SLC17A5: variants seen among roughly 807,000 people sequenced by gnomAD.
SLC17A5 encodes the protein sialin.
SLC17A5 carries 47 observed loss-of-function variants against 59.4 expected under a neutral mutation model. That is an observed-to-expected ratio of 0.79 (90% CI 0.63 to 1.01). SLC17A5 has a LOEUF of 1.01. Among genes scored for constraint, SLC17A5 ranks in the 50% least tolerant of loss-of-function variants. The pLI, the probability that SLC17A5 is intolerant of heterozygous loss-of-function variation, is 0.00. For synonymous variants in SLC17A5, 202 were observed against 210.7 expected, an observed-to-expected ratio of 0.96 and a Z score of 0.36; for missense variants, 522 against 595.5, an observed-to-expected ratio of 0.88 and a Z score of 1.28.
chr6:73,607,729 C>T (rs1055448808), intron 9 of SLC17A5, among the ~76,000 whole-genome samples: 1 of 151,854 alleles, frequency 6.6e-6, no homozygotes, highest in Non-Finnish European at 1.5e-5. Flanking sequence ...GGTGACTTAC[C>T]ACCTTCTGGC....
chr6:73,606,471 G>C (rs1040449806), intron 9 of SLC17A5, among the ~76,000 whole-genome samples: 5 of 152,174 alleles, frequency 3.3e-5, no homozygotes, highest in Non-Finnish European at 7.3e-5. Flanking sequence ...CATCATTTAT[G>C]TTACTAAACC....
chr6:73,602,310 G>A (rs1335436164), intron 9 of SLC17A5, among the ~76,000 whole-genome samples: 2 of 146,714 alleles, frequency 1.4e-5, no homozygotes, highest in Non-Finnish European at 1.5e-5. Flanking sequence ...GCGGAACGCC[G>A]CAGGGTCCTC....
intron 7 of SLC17A5, chr6:73,618,401 A>G: frequency 3.2e-6 from 1 of 311,374 alleles, no homozygotes; most frequent in Non-Finnish European, 5.9e-6. Flanking sequence ...AGGAAACACA[A>G]GAAGAAATGC....
chr6:73,602,753 C>G (rs904429292), intron 9 of SLC17A5, among the ~76,000 whole-genome samples: 3 of 146,686 alleles, frequency 2.0e-5, no homozygotes, highest in Non-Finnish European at 4.5e-5. Context: ...CCAGCCTGGC[C>G]GACAGAGCGA....
intron 9 of SLC17A5, among the ~76,000 whole-genome samples, chr6:73,602,610 C>CA (rs1183040251): frequency 6.6e-6 from 1 of 151,680 alleles, no homozygotes; most frequent in Non-Finnish European, 1.5e-5. Flanking sequence ...CCGTCTCTAC[C>CA]AAAAATACAA....
At chr6:73,639,718 C>A (rs546300959) in intron 3 of SLC17A5, among the ~76,000 whole-genome samples, 3 of 152,224 alleles carry the variant, frequency 2.0e-5, no homozygotes, top group South Asian at 4.1e-4. Context: ...TGAAGAAGGA[C>A]GAGAGAACCT....
chr6:73,594,702 A>G lies in SLC17A5; in HGVS notation c.*375T>C, dbSNP rs1446698249. 4.0e-6 allele frequency: 1 copy of G among 252,898 alleles called. No individual in the cohort carries two copies. The highest frequency in any genetic ancestry group is 1.1e-4 in the East Asian group (1 of 9,324). The allele number at this position is 252,898 out of a possible 1,614,324, so 15.7% of individuals were successfully genotyped here. ...GACAATTTTTATGAGGAAAGTGAAC[A>G]ACAACAGGTGTTTATCAGTACCTGA... On this transcript the variant is annotated 3_prime_UTR_variant, in exon 11 of 11. Transcript: ENST00000355773.
intron 1 of SLC17A5, 53 bp from the exon 2 acceptor site, chr6:73,644,656 G>A: frequency 6.6e-7 from 1 of 1,512,774 alleles, no homozygotes; most frequent in Non-Finnish European, 9.0e-7. Context: ...TTTATTTTTA[G>A]AGACAGGGTT....
Position 73,653,873 on chromosome 6 carries a change from A to G in SLC17A5, c.14T>C (p.Val5Ala). The change falls in exon 1 of 11, where the codon GTT becomes GCT. Residue 5 changes from valine (V) to alanine (A), a missense_variant. Val to Ala is a moderately conservative substitution (Grantham distance 64). Transcript: ENST00000355773. ...GCCATCGTTCCGGGCCAGGTCTCGA[A>G]CCGGAGACCTCATGACGCCTACGTG... MRSP[V>A]RDLARNDGEE... 1 of 1,606,746 alleles carries G rather than the reference A, an allele frequency of 6.2e-7. No homozygotes were observed.
At chr6:73,621,377 A>G (rs498907) in intron 7 of SLC17A5, among the ~76,000 whole-genome samples, 66,483 of 151,980 alleles carry the variant, frequency 0.44, 15,484 homozygotes, top group African/African-American at 0.58. Context: ...GGCCTCAAGT[A>G]ATCCACCTGC....
intron 9 of SLC17A5, among the ~76,000 whole-genome samples, chr6:73,609,599 A>T (rs571003273): frequency 2.6e-5 from 4 of 152,224 alleles, no homozygotes; most frequent in Non-Finnish European, 4.4e-5. Flanking sequence ...ACTACATGCC[A>T]AGTGCCATGG....
rs530262806 is a variant in SLC17A5 at position 73,606,424 on chromosome 6, G to A, written c.1259+3976C>T. 2.5e-4 allele frequency among the ~76,000 whole-genome samples: 38 copies of A among 152,282 alleles called. No homozygotes were observed. The South Asian group carries it at 6.8e-3, about 27-fold the overall frequency. On this transcript the variant is annotated intron_variant, in intron 9 of 10. Coordinates refer to ENST00000355773, the MANE Select transcript of SLC17A5 (RefSeq NM_012434.5). ...CATTATCTGAGGCACAAAGGCACTTGCTTACCATCCTCCCAACTGCTACAA... is the reference window on the plus strand; with the variant it reads ...CATTATCTGAGGCACAAAGGCACTTACTTACCATCCTCCCAACTGCTACAA...
chr6:73,609,161 A>G (rs1767529534), intron 9 of SLC17A5, among the ~76,000 whole-genome samples: 1 of 152,212 alleles, frequency 6.6e-6, no homozygotes, highest in South Asian at 2.1e-4. Flanking sequence ...TATATCTATT[A>G]TTTTTACAAA....
intron 9 of SLC17A5, among the ~76,000 whole-genome samples, chr6:73,604,803 G>A (rs1188908302): frequency 6.6e-6 from 1 of 152,046 alleles, no homozygotes; most frequent in Non-Finnish European, 1.5e-5. Context: ...GTCTATAGAA[G>A]TAAAGGCCTA....
chr6:73,610,267 C>T, intron 9 of SLC17A5, 133 bp downstream of exon 9: 3 of 998,340 alleles, frequency 3.0e-6, no homozygotes, highest in Middle Eastern at 3.1e-4. Context: ...CTCCTGACCT[C>T]AGGTTATCTG....
At chr6:73,615,198 T>G in intron 8 of SLC17A5, 117 bp downstream of exon 8, 69 of 1,162,846 alleles carry the variant, frequency 5.9e-5, no homozygotes, top group Non-Finnish European at 7.8e-5. Context: ...TGTTCTGTGT[T>G]GAGTATTGTG....
Position 73,615,394 on chromosome 6 carries a change from C to T in SLC17A5, c.1032G>A (p.Leu344=), listed in dbSNP as rs2150091563. Residue 344 remains leucine (L), a synonymous_variant, in exon 8 of 11, where the codon CTG becomes CTA. Coordinates refer to ENST00000355773, the MANE Select transcript of SLC17A5 (RefSeq NM_012434.5). ...PYLGSWLCMI[L]SGQAADNLRA... is the part of the protein sequence containing the mutation. ...TTAAATTGTCAGCAGCTTGACCAGA[C>T]AGGATCATACATAACCAAGAGCCTA... 1.2e-6 allele frequency: 2 copies of T among 1,613,860 alleles called. No homozygotes were observed. The highest frequency in any genetic ancestry group is 8.5e-7 in the Non-Finnish European group (1 of 1,179,920).
chr6:73,643,989 C>T (rs1006152352), intron 2 of SLC17A5, among the ~76,000 whole-genome samples: 2 of 152,156 alleles, frequency 1.3e-5, no homozygotes, highest in Admixed American at 1.3e-4. Context: ...AAGAAACTGG[C>T]CAGTTCTTGT....
chr6:73,630,304 G>A (rs759944142), intron 6 of SLC17A5, among the ~76,000 whole-genome samples: 8 of 152,006 alleles, frequency 5.3e-5, no homozygotes, highest in Non-Finnish European at 8.8e-5. Context: ...TTCTCTTCTT[G>A]TAGAAATTTC....
Sources: allele counts gnomAD v4.1 joint callset (sites outside exome capture counted in the v4.1 genomes callset), GRCh38; gene constraint gnomAD v4.1.1; transcripts MANE v1.5; gene names NCBI Gene and HGNC (gene_info 2026-07-23, HGNC 2026-07-21).